DCDC1: variants seen among roughly 807,000 people sequenced by gnomAD.
DCDC1 encodes the protein doublecortin domain containing 1, also known as doublecortin domain-containing protein 1.
A neutral mutation model predicts 178.3 loss-of-function variants in DCDC1; 200 were observed. That is an observed-to-expected ratio of 1.12 (90% CI 1.00 to 1.26). The LOEUF is 1.26. Among genes scored for constraint, DCDC1 ranks in the 50% most tolerant of loss-of-function variants. The pLI, the probability that DCDC1 is intolerant of heterozygous loss-of-function variation, is 0.00. For missense variants in DCDC1, 1,983 were observed against 1,749.2 expected (o/e 1.13, Z -2.38); for synonymous variants, 690 against 604.8 (o/e 1.14, Z -2.07).
At chr11:31,330,018 A>G (rs1949880835) in intron 2 of DCDC1, among the ~76,000 whole-genome samples, 1 of 152,340 alleles carries the variant, frequency 6.6e-6, no homozygotes, top group Admixed American at 6.5e-5. Context: ...TCCCACCAGC[A>G]GTGTAAAAGC....
intron 9 of DCDC1, among the ~76,000 whole-genome samples, chr11:31,208,186 G>C (rs1972088250): frequency 6.6e-6 from 1 of 151,926 alleles, no homozygotes; most frequent in African/African-American, 2.4e-5. Context: ...TCTCATTTCT[G>C]TCTGTTCAAT....
chr11:31,209,702 A>G (rs1972272047), intron 9 of DCDC1, among the ~76,000 whole-genome samples: 1 of 152,206 alleles, frequency 6.6e-6, no homozygotes, highest in African/African-American at 2.4e-5. Context: ...ACAATGACTG[A>G]GTAGTAAGAA....
At chr11:30,949,683 G>C (rs1195963855) in intron 21 of DCDC1, among the ~76,000 whole-genome samples, 9 of 152,070 alleles carry the variant, frequency 5.9e-5, no homozygotes, top group Admixed American at 5.9e-4. Context: ...CCATAAAAAG[G>C]GATGAGTTTG....
intron 36 of DCDC1, among the ~76,000 whole-genome samples, chr11:30,885,325 A>T (rs532972902): frequency 6.6e-6 from 1 of 151,932 alleles, no homozygotes; most frequent in South Asian, 2.1e-4. Context: ...ATGACCTCAG[A>T]ATGATAAAGG....
intron 17 of DCDC1, among the ~76,000 whole-genome samples, chr11:31,084,676 T>A (rs1455448197): frequency 6.6e-6 from 1 of 152,082 alleles, no homozygotes; most frequent in African/African-American, 2.4e-5. Context: ...ACTTAAGTAC[T>A]TCCCTCCCTC....
rs772663924 is a variant in DCDC1, at chr11:31,137,687, CT to C, written c.1314+4del. Reference sequence around the variant, plus strand: ...AAAATACAGTTTACAAAGTAATTTCCTTACTTCTTCCTGTTCCTTATGGTGT... The same window carrying C: ...AAAATACAGTTTACAAAGTAATTTCCTACTTCTTCCTGTTCCTTATGGTGT... On this transcript the variant is annotated splice_donor_region_variant and intron_variant, in intron 10 of 38. Transcript: ENST00000684477. 2 of 702,164 alleles carry C rather than the reference CT, an allele frequency of 2.8e-6. No homozygotes were observed. Among genetic ancestry groups the C allele is most frequent in the Non-Finnish European group, 5.2e-6 (2 of 384,640 alleles). The allele number at this position is 702,164 out of a possible 1,614,324, so 43.5% of individuals were successfully genotyped here.
chr11:31,222,610 T>C (rs563537656), intron 9 of DCDC1, among the ~76,000 whole-genome samples: 13 of 152,210 alleles, frequency 8.5e-5, no homozygotes, highest in Admixed American at 5.2e-4. Flanking sequence ...AACAGGGAAA[T>C]TTATTTTCTC....
intron 2 of DCDC1, among the ~76,000 whole-genome samples, chr11:31,330,630 C>T (rs1307107451): frequency 6.6e-6 from 1 of 152,172 alleles, no homozygotes; most frequent in African/African-American, 2.4e-5. Flanking sequence ...AGCCAGTTTT[C>T]CCAGCACCAT....
At chr11:30,977,274 G>C (rs928899111) in intron 20 of DCDC1, among the ~76,000 whole-genome samples, 1 of 152,148 alleles carries the variant, frequency 6.6e-6, no homozygotes, top group African/African-American at 2.4e-5. Flanking sequence ...TAGCAGAGTA[G>C]GGTAACTATA....
At chr11:31,031,212 G>T (rs1304151956) in intron 20 of DCDC1, among the ~76,000 whole-genome samples, 1 of 152,096 alleles carries the variant, frequency 6.6e-6, no homozygotes, top group African/African-American at 2.4e-5. Flanking sequence ...GAACTAACAG[G>T]TTGTCATTTT....
chr11:30,987,066 G>T (rs542490436), intron 20 of DCDC1, among the ~76,000 whole-genome samples: 9 of 152,244 alleles, frequency 5.9e-5, no homozygotes, highest in African/African-American at 2.2e-4. Context: ...GCCCAGGCTG[G>T]AGTGCCGTAG....
chr11:30,899,186 AG>A (rs746117250), intron 34 of DCDC1, among the ~76,000 whole-genome samples: 5 of 152,112 alleles, frequency 3.3e-5, no homozygotes, highest in Non-Finnish European at 7.4e-5. Context: ...AATGACAGCA[AG>A]GTTTGTTTAA....
intron 20 of DCDC1, among the ~76,000 whole-genome samples, chr11:31,005,596 T>C (rs536356495): frequency 2.0e-5 from 3 of 152,172 alleles, no homozygotes; most frequent in Admixed American, 6.5e-5. Context: ...ATAACAAGAC[T>C]AACCCCACTC....
intron 8 of DCDC1, among the ~76,000 whole-genome samples, chr11:31,254,435 G>C (rs1235777980): frequency 6.6e-6 from 1 of 152,142 alleles, no homozygotes; most frequent in Admixed American, 6.6e-5. Context: ...GGGATATTTA[G>C]GGAGATTACT....
chr11:31,253,887 C>T (rs543408066), intron 8 of DCDC1, among the ~76,000 whole-genome samples: 33 of 152,278 alleles, frequency 2.2e-4, no homozygotes, highest in Non-Finnish European at 4.0e-4. Context: ...TTATTCATGT[C>T]AGGTTTAGCT....
intron 36 of DCDC1, chr11:30,883,447 A>C (rs1170481196): frequency 4.4e-6 from 2 of 458,732 alleles, no homozygotes; most frequent in South Asian, 3.2e-5. Flanking sequence ...AACCTTAAGC[A>C]GTTATCAAAA....
chr11:31,309,759 A>C (rs986385033), intron 3 of DCDC1, among the ~76,000 whole-genome samples: 15 of 152,214 alleles, frequency 9.9e-5, no homozygotes, highest in African/African-American at 3.6e-4. Context: ...ACAATCCATT[A>C]TTCTACCACC....
chr11:31,356,112 A>G (rs77378636), intron 1 of DCDC1, among the ~76,000 whole-genome samples: 3,966 of 152,324 alleles, frequency 0.026, 85 homozygotes, highest in Non-Finnish European at 0.038. Flanking sequence ...TAGCTACAGT[A>G]TAAAAAAGCT....
At chr11:31,309,580 C>T (rs1948649867) in intron 3 of DCDC1, among the ~76,000 whole-genome samples, 1 of 152,156 alleles carries the variant, frequency 6.6e-6, no homozygotes, top group Non-Finnish European at 1.5e-5. Context: ...TCACAGATTT[C>T]ATAAACAGTT....
Sources: gnomAD v4.1 joint callset for allele counts (sites outside exome capture counted in the v4.1 genomes callset) on GRCh38, gnomAD v4.1.1 for gene constraint, MANE v1.5 for transcripts, NCBI Gene and HGNC (gene_info 2026-07-23, HGNC 2026-07-21) for gene names.